Variants in BNC2 observed in about 807,000 individuals in gnomAD.
BNC2 encodes the protein basonuclin zinc finger protein 2.
BNC2 carries 20 observed loss-of-function variants against 76.3 expected under a neutral mutation model. The ratio of observed to expected loss-of-function variants is 0.26; its 90% CI spans 0.18 to 0.38. The LOEUF is 0.38. Among genes scored for constraint, BNC2 ranks in the 10% least tolerant of loss-of-function variants. The pLI, the probability that BNC2 is intolerant of heterozygous loss-of-function variation, is 1.00. For missense variants in BNC2, 1,382 were observed against 1,399.8 expected, an observed-to-expected ratio of 0.99 and a Z score of 0.20; for synonymous variants, 582 against 514.8, an observed-to-expected ratio of 1.13 and a Z score of -1.77.
In BNC2 at chr9:16,552,841, T is replaced by C. The variant is rs1430595564; in HGVS notation, c.434-76A>G. 4 of 1,242,784 alleles carry C rather than the reference T, an allele frequency of 3.2e-6. No individual in the cohort carries two copies. The African/African-American group carries it at 4.4e-5, about 14-fold the overall frequency. 77.0% of individuals were successfully genotyped at this position (1,242,784 alleles called of 1,614,324 possible). A position where few individuals can be genotyped will look rare whatever the true frequency, so the allele number is the denominator to read the frequency against. ...AAAGAGAGAGAACAGGAGTTAGAAATATTGCTGGAAGTTACCAGGGCTCCA... is the reference window on the plus strand; with the variant it reads ...AAAGAGAGAGAACAGGAGTTAGAAACATTGCTGGAAGTTACCAGGGCTCCA... On this transcript the variant is annotated intron_variant, in intron 4 of 6. Coordinates refer to ENST00000380672, the MANE Select transcript of BNC2 (RefSeq NM_017637.6).
At chr9:16,539,760 A>G (rs1407719569) in intron 5 of BNC2, among the ~76,000 whole-genome samples, 75 of 92,086 alleles carry the variant, frequency 8.1e-4, no homozygotes, top group African/African-American at 4.3e-3. Context: ...GAAGGAAAGG[A>G]AAGGAAAAGA....
Position 16,416,276 on chromosome 9 carries a change from AC to A in BNC2, c.*2712del, listed in dbSNP as rs1442797536. The A allele has an allele frequency of 1.3e-5, 2 of 152,634 alleles. No individual in the cohort carries two copies. Among genetic ancestry groups the A allele is most frequent in the Non-Finnish European group, 2.9e-5 (2 of 68,040 alleles). The allele number at this position is 152,634 out of a possible 1,614,324, so 9.5% of individuals were successfully genotyped here. A position where few individuals can be genotyped will look rare whatever the true frequency, so the allele number is the denominator to read the frequency against. ...TCATAAAACTACATGTAGTCTATGCACACTGCAAAAGCCAGAGTTTCTATAA... is the reference window on the plus strand; with the variant it reads ...TCATAAAACTACATGTAGTCTATGCAACTGCAAAAGCCAGAGTTTCTATAA... On this transcript the variant is annotated 3_prime_UTR_variant, in exon 7 of 7. Coordinates refer to ENST00000380672, the MANE Select transcript of BNC2 (RefSeq NM_017637.6).
chr9:16,678,251 TG>T (rs1204851568), intron 3 of BNC2, among the ~76,000 whole-genome samples: 1 of 149,364 alleles, frequency 6.7e-6, no homozygotes, highest in African/African-American at 2.5e-5. Flanking sequence ...AACTTGTAAC[TG>T]TTTTCTTTCT....
At chr9:16,841,816 T>TG (rs1183640167) in intron 1 of BNC2, among the ~76,000 whole-genome samples, 8 of 85,024 alleles carry the variant, frequency 9.4e-5, no homozygotes, top group Admixed American at 1.6e-4. Flanking sequence ...TCAAATTTGT[T>TG]TTTTTTTTTT....
chr9:16,680,365 G>T (rs765932941), intron 3 of BNC2, among the ~76,000 whole-genome samples: 35 of 151,890 alleles, frequency 2.3e-4, no homozygotes, highest in Non-Finnish European at 4.0e-4. Flanking sequence ...CTCAGTACGG[G>T]AATTCAGAAA....
At chr9:16,645,117 T>A (rs1323611015) in intron 3 of BNC2, among the ~76,000 whole-genome samples, 1 of 152,200 alleles carries the variant, frequency 6.6e-6, no homozygotes. Context: ...TCCTTGTCTA[T>A]GACTTGCAGG....
rs187709187 is a variant in BNC2 at position 16,464,521 on chromosome 9, A to G, written c.670-26997T>C. Among the ~76,000 whole-genome samples, 446 of 152,322 alleles carry G rather than the reference A, an allele frequency of 2.9e-3. 6 individuals are homozygous for G. Among genetic ancestry groups the G allele is most frequent in the African/African-American group, 0.01 (426 of 41,566 alleles). On this transcript the variant is annotated intron_variant, in intron 5 of 6. Transcript: ENST00000380672. ...TCATACATGAAGACAAAGAACAAAG[A>G]CAGGGAGGGGCATCTCTTTGCAGAC...
chr9:16,536,343 T>C (rs1321762853), intron 5 of BNC2, among the ~76,000 whole-genome samples: 2 of 152,178 alleles, frequency 1.3e-5, no homozygotes, highest in African/African-American at 4.8e-5. Flanking sequence ...TTAATAAAAG[T>C]GGTCTAAAAT....
chr9:16,636,119 G>C (rs903929623), intron 3 of BNC2, among the ~76,000 whole-genome samples: 1 of 152,140 alleles, frequency 6.6e-6, no homozygotes, highest in African/African-American at 2.4e-5. Context: ...AGAATATGGA[G>C]ACTGTTAAGA....
At chr9:16,553,373 T>A (rs976769753) in intron 4 of BNC2, among the ~76,000 whole-genome samples, 1 of 152,118 alleles carries the variant, frequency 6.6e-6, no homozygotes, top group African/African-American at 2.4e-5. Flanking sequence ...CTATAGGGGG[T>A]TATCCAAAAA....
At chr9:16,581,507 G>A (rs1385270744) in intron 4 of BNC2, among the ~76,000 whole-genome samples, 1 of 152,172 alleles carries the variant, frequency 6.6e-6, no homozygotes, top group Non-Finnish European at 1.5e-5. Flanking sequence ...GCAGACACCA[G>A]GGCATGCTCC....
intron 1 of BNC2, among the ~76,000 whole-genome samples, chr9:16,827,985 T>A (rs573946201): frequency 6.6e-6 from 1 of 152,288 alleles, no homozygotes; most frequent in East Asian, 1.9e-4. Context: ...ACCTTATATA[T>A]CCATTATAAA....
intron 3 of BNC2, among the ~76,000 whole-genome samples, chr9:16,666,538 C>A (rs963987241): frequency 2.0e-5 from 3 of 152,206 alleles, no homozygotes; most frequent in African/African-American, 4.8e-5. Context: ...TACAATGCAA[C>A]TGACAACACA....
rs189461685 is a variant in BNC2, at chr9:16,414,677, G to T, written c.*4312C>A. On this transcript the variant is annotated 3_prime_UTR_variant, in exon 7 of 7. Transcript: ENST00000380672. ...AATCTAACCCAATGCTAACAGACCA[G>T]ATACAAGTTAGGACTGCTCAGGTCA... is the stretch of plus-strand genomic sequence containing the variant. 9.4e-4 allele frequency: 143 copies of T among 152,310 alleles called. No homozygotes were observed. The highest frequency in any genetic ancestry group is 3.4e-3 in the African/African-American group (140 of 41,560). The allele number at this position is 152,310 out of a possible 1,614,324, so 9.4% of individuals were successfully genotyped here.
intron 5 of BNC2, among the ~76,000 whole-genome samples, chr9:16,482,738 G>A (rs959971293): frequency 1.3e-5 from 2 of 152,148 alleles, no homozygotes; most frequent in African/African-American, 2.4e-5. Context: ...TAATTTAAAT[G>A]AATAAACTCA....
intron 1 of BNC2, among the ~76,000 whole-genome samples, chr9:16,836,921 A>G (rs1159351285): frequency 2.0e-5 from 3 of 152,318 alleles, no homozygotes; most frequent in East Asian, 3.9e-4. Context: ...AACAGTGACA[A>G]CTACATGTCT....
intron 3 of BNC2, among the ~76,000 whole-genome samples, chr9:16,722,548 A>T (rs1374489698): frequency 6.6e-6 from 1 of 152,230 alleles, no homozygotes; most frequent in East Asian, 1.9e-4. Flanking sequence ...TACTTGGCTC[A>T]CCTTAGCAAA....
At chr9:16,539,770 A>G (rs1311007343) in intron 5 of BNC2, among the ~76,000 whole-genome samples, 5 of 57,108 alleles carry the variant, frequency 8.8e-5, no homozygotes, top group African/African-American at 7.2e-4. Context: ...AAAGGAAAAG[A>G]AAGGAAAGGA....
intron 1 of BNC2, among the ~76,000 whole-genome samples, chr9:16,742,420 G>A (rs1386765203): frequency 6.6e-6 from 1 of 152,202 alleles, no homozygotes; most frequent in Non-Finnish European, 1.5e-5. Context: ...TGCATTAGCA[G>A]AACTCAGCAC....
Sources: gnomAD v4.1 joint callset for allele counts (sites outside exome capture counted in the v4.1 genomes callset) on GRCh38, gnomAD v4.1.1 for gene constraint, MANE v1.5 for transcripts, NCBI Gene and HGNC (gene_info 2026-07-23, HGNC 2026-07-21) for gene names.